The following CTIF variants were observed in gnomAD, a reference collection of about 807,000 sequenced individuals.
CTIF encodes the protein cap binding complex dependent translation initiation factor, also known as CBP80/20-dependent translation initiation factor.
CTIF carries 21 observed loss-of-function variants against 66.0 expected under a neutral mutation model. That is an observed-to-expected ratio of 0.32 (90% CI 0.23 to 0.46). CTIF has a LOEUF of 0.46. CTIF is among the 20% of genes least tolerant of loss of function. The pLI, the probability that CTIF is intolerant of heterozygous loss-of-function variation, is 1.00. For missense variants in CTIF, 739 were observed against 812.7 expected, an observed-to-expected ratio of 0.91 and a Z score of 1.10; for synonymous variants, 345 against 326.4, an observed-to-expected ratio of 1.06 and a Z score of -0.62.
At chr18:48,780,469 A>G (rs1431579158) in intron 9 of CTIF, among the ~76,000 whole-genome samples, 3 of 152,206 alleles carry the variant, frequency 2.0e-5, no homozygotes, top group Non-Finnish European at 4.4e-5. Flanking sequence ...TTAGTTCAAA[A>G]TCAGGCTCAA....
chr18:48,616,586 G>GT (rs1428884866), intron 1 of CTIF, among the ~76,000 whole-genome samples: 1 of 152,170 alleles, frequency 6.6e-6, no homozygotes. Context: ...CTGAACCTCC[G>GT]TTTTCTCTTC....
intron 7 of CTIF, among the ~76,000 whole-genome samples, chr18:48,734,085 C>T (rs2092478602): frequency 6.6e-6 from 1 of 152,240 alleles, no homozygotes; most frequent in Admixed American, 6.5e-5. Context: ...TAAGCCTGCC[C>T]TGTGAGCCGT....
intron 6 of CTIF, among the ~76,000 whole-genome samples, chr18:48,706,036 G>A (rs182106083): frequency 1.3e-5 from 2 of 152,088 alleles, no homozygotes; most frequent in African/African-American, 2.4e-5. Context: ...TACATTTGTC[G>A]AGTGAGAGAG....
intron 7 of CTIF, among the ~76,000 whole-genome samples, chr18:48,741,321 C>A (rs1404542055): frequency 6.8e-6 from 1 of 146,438 alleles, no homozygotes; most frequent in Non-Finnish European, 1.5e-5. Flanking sequence ...GTGGGTACTC[C>A]GTGAGCTTAA....
chr18:48,674,472 C>T (rs1367168538), intron 6 of CTIF, among the ~76,000 whole-genome samples: 1 of 152,244 alleles, frequency 6.6e-6, no homozygotes, highest in East Asian at 1.9e-4. Context: ...GTGGGTTACA[C>T]ACAGAGCGCA....
rs1248651417 is a variant in CTIF, at chr18:48,758,239, C to T, written c.905C>T (p.Thr302Ile). The T allele has an allele frequency of 6.2e-6, 10 of 1,613,314 alleles. No homozygotes were observed. The highest frequency in any genetic ancestry group is 6.8e-6 in the Non-Finnish European group (8 of 1,179,756). Residue 302 changes from threonine to isoleucine, a missense_variant, in exon 8 of 12, where the codon ACC becomes ATC. This residue lies in a region of CTIF where 529 missense variants were observed against 520.3 expected (regional missense o/e 1.02). Transcript: ENST00000256413. Reference sequence around the variant, plus strand: ...CTTGAGGCCCCCCGCAGCCCTGACACCCTGGCCCCGGTGGCTTCTGAGCGG... The same window carrying T: ...CTTGAGGCCCCCCGCAGCCCTGACATCCTGGCCCCGGTGGCTTCTGAGCGG... ...SSLEAPRSPD[T>I]LAPVASERLP...
chr18:48,741,280 G>T (rs113558329), intron 7 of CTIF, among the ~76,000 whole-genome samples: 1 of 53,956 alleles, frequency 1.9e-5, no homozygotes, highest in Non-Finnish European at 3.4e-5. Flanking sequence ...CTCTGCCCCC[G>T]CCCCCCCTCC....
At chr18:48,842,785 G>A (rs774894484) in intron 10 of CTIF, among the ~76,000 whole-genome samples, 2 of 152,254 alleles carry the variant, frequency 1.3e-5, no homozygotes, top group African/African-American at 4.8e-5. Context: ...TTACTTTAGA[G>A]AGCGGAAAAT....
At chr18:48,631,663 C>T (rs2090716783) in intron 2 of CTIF, among the ~76,000 whole-genome samples, 1 of 152,148 alleles carries the variant, frequency 6.6e-6, no homozygotes, top group Non-Finnish European at 1.5e-5. Flanking sequence ...ATGTTTGTTC[C>T]AGGTTTTTAA....
At chr18:48,553,878 G>A (rs2088953581) in intron 1 of CTIF, among the ~76,000 whole-genome samples, 1 of 151,782 alleles carries the variant, frequency 6.6e-6, no homozygotes. Context: ...AGCCAGGATG[G>A]TCTTAATCTC....
intron 6 of CTIF, among the ~76,000 whole-genome samples, chr18:48,670,962 G>A (rs1431935271): frequency 1.3e-5 from 2 of 152,212 alleles, no homozygotes; most frequent in Non-Finnish European, 2.9e-5. Flanking sequence ...TGATGCTGCA[G>A]GCCCTGCTGG....
intron 6 of CTIF, among the ~76,000 whole-genome samples, chr18:48,675,563 C>T (rs1408994856): frequency 6.6e-6 from 1 of 152,192 alleles, no homozygotes; most frequent in Non-Finnish European, 1.5e-5. Flanking sequence ...TGAAAATGAC[C>T]CCACTCAATG....
At chr18:48,830,407 G>A (rs1447262782) in intron 10 of CTIF, among the ~76,000 whole-genome samples, 4 of 152,062 alleles carry the variant, frequency 2.6e-5, no homozygotes, top group African/African-American at 4.8e-5. Context: ...CAGGTGATCC[G>A]CCCACCTTGG....
At chr18:48,659,514 C>T (rs1218027083) in intron 3 of CTIF, among the ~76,000 whole-genome samples, 1 of 152,224 alleles carries the variant, frequency 6.6e-6, no homozygotes, top group African/African-American at 2.4e-5. Context: ...CCAGGGCTCC[C>T]TGGAGCTGTG....
chr18:48,594,006 CAAAG>C (rs2089942876), intron 1 of CTIF, among the ~76,000 whole-genome samples: 7 of 152,116 alleles, frequency 4.6e-5, no homozygotes, highest in Admixed American at 2.6e-4. Context: ...TGACATGGAC[CAAAG>C]AGGTGAATTT....
Position 48,817,243 on chromosome 18 carries a change from A to T in CTIF, c.1394A>T (p.Glu465Val), listed in dbSNP as rs772621319. The T allele has an allele frequency of 6.2e-7, 1 of 1,614,002 alleles. No homozygotes were observed. The highest frequency in any genetic ancestry group is 8.5e-7 in the Non-Finnish European group (1 of 1,179,998). ...CAGAAGGACTTCACGGTGCGCGAGG[A>T]GCTGCAGCAGCAGGACGTGGAGCGC... ...MLQKDFTVRE[E>V]LQQQDVERWL... The change falls in exon 10 of 12, where the codon GAG becomes GTG. Residue 465 changes from glutamate to valine, a missense_variant. This residue lies in a region of CTIF where 210 missense variants were observed against 292.3 expected (regional missense o/e 0.72). Transcript: ENST00000256413.
Position 48,544,434 on chromosome 18 carries a change from C to T in CTIF, c.-29+5122C>T, listed in dbSNP as rs559537174. 7.2e-5 allele frequency among the ~76,000 whole-genome samples: 11 copies of T among 152,312 alleles called. No homozygotes were observed. The South Asian group carries it at 2.3e-3, about 32-fold the overall frequency. The stretch of plus-strand genomic sequence containing the variant: ...GACTTCAGACTTCAGGTCCAGTGCT[C>T]AGGGCTGAGGTGGCTTGCTGTCTGA... On this transcript the variant is annotated intron_variant, in intron 1 of 11. Transcript: ENST00000256413.
At chr18:48,544,940 G>A (rs1034599210) in intron 1 of CTIF, among the ~76,000 whole-genome samples, 33 of 152,330 alleles carry the variant, frequency 2.2e-4, no homozygotes, top group African/African-American at 7.9e-4. Flanking sequence ...TCCATTCAAC[G>A]TCATGTGGGA....
chr18:48,770,522 A>C (rs1910002771), intron 9 of CTIF, among the ~76,000 whole-genome samples: 1 of 152,262 alleles, frequency 6.6e-6, no homozygotes, highest in Non-Finnish European at 1.5e-5. Flanking sequence ...TCCCGTGAAA[A>C]GTGGCCATTG....
Sources: allele counts gnomAD v4.1 joint callset (sites outside exome capture counted in the v4.1 genomes callset), GRCh38; gene constraint gnomAD v4.1.1; regional missense constraint gnomAD v4.1.1; transcripts MANE v1.5; gene names NCBI Gene and HGNC (gene_info 2026-07-23, HGNC 2026-07-21).